The following PIP5K1C variants were observed in gnomAD, a reference collection of about 807,000 sequenced individuals.
PIP5K1C encodes the protein phosphatidylinositol 4-phosphate 5-kinase type-1 gamma.
A neutral mutation model predicts 80.1 loss-of-function variants in PIP5K1C; 45 were observed. The observed-to-expected ratio is 0.56, with a 90% CI of 0.44 to 0.72. The LOEUF is 0.72. Ranked by LOEUF, PIP5K1C falls within the 30% of genes least tolerant of loss-of-function variation. The pLI is 0.00. For missense variants in PIP5K1C, 753 were observed against 954.6 expected, an observed-to-expected ratio of 0.79 and a Z score of 2.78; for synonymous variants, 498 against 420.1, an observed-to-expected ratio of 1.19 and a Z score of -2.27.
intron 8 of PIP5K1C, among the ~76,000 whole-genome samples, chr19:3,651,055 GTT>G (rs60438258): frequency 8.6e-5 from 11 of 127,270 alleles, no homozygotes; most frequent in South Asian, 2.5e-4. Context: ...CGCGCCCAGC[GTT>G]TTTTTTTTTT....
intron 2 of PIP5K1C, among the ~76,000 whole-genome samples, chr19:3,665,705 C>T (rs953336672): frequency 1.5e-4 from 23 of 152,150 alleles, no homozygotes; most frequent in Non-Finnish European, 3.4e-4. Flanking sequence ...TGCAAGCTGT[C>T]GGGCAGCGCG....
chr19:3,691,908 A>C (rs143696896), intron 1 of PIP5K1C, among the ~76,000 whole-genome samples: 1,584 of 152,302 alleles, frequency 0.01, 23 homozygotes, highest in African/African-American at 0.037. Flanking sequence ...GCAGACGCCA[A>C]GCCAGGCTGG....
Position 3,688,568 on chromosome 19 carries a change from C to A in PIP5K1C, c.94+11729G>T, listed in dbSNP as rs976684889. 1.3e-5 allele frequency among the ~76,000 whole-genome samples: 2 copies of A among 152,164 alleles called. No homozygotes were observed. The highest frequency in any genetic ancestry group is 2.4e-5 in the African/African-American group (1 of 41,434). On this transcript the variant is annotated intron_variant, in intron 1 of 17. Transcript: ENST00000335312. The surrounding 1 kb of genome is among the most constrained non-coding windows in gnomAD (Gnocchi z 5.3). ...TGGCCTTTCCCTGGTCCACTGAGAG[C>A]CGCGTGTGTTTTTTGCGGTTTTGCT...
At chr19:3,671,605 G>A (rs2035207660) in intron 1 of PIP5K1C, among the ~76,000 whole-genome samples, 1 of 152,352 alleles carries the variant, frequency 6.6e-6, no homozygotes. Flanking sequence ...GGAGAGGGGA[G>A]GCACTCGGTT....
At chr19:3,641,483 A>G (rs1401593845) in intron 15 of PIP5K1C, among the ~76,000 whole-genome samples, 1 of 152,040 alleles carries the variant, frequency 6.6e-6, no homozygotes, top group Admixed American at 6.5e-5. Flanking sequence ...AACAGTCACA[A>G]ATGTCCCCAG....
At position 3,633,128 on chromosome 19, in the gene PIP5K1C, G is replaced by A; in HGVS notation, c.*39C>T. On this transcript the variant is annotated 3_prime_UTR_variant, in exon 18 of 18. Coordinates refer to ENST00000335312, the MANE Select transcript of PIP5K1C (RefSeq NM_012398.3). ...AGCGCCTTCGGGGGCAGCCGGAGCA[G>A]AAGTGGAGCTCGGCTCTGGGTCGGG... 1 of 754,186 alleles carries A rather than the reference G, an allele frequency of 1.3e-6. No homozygotes were observed. The highest frequency in any genetic ancestry group is 1.4e-5 in the South Asian group (1 of 70,964). 46.7% of individuals were successfully genotyped at this position (754,186 alleles called of 1,614,324 possible). A position where few individuals can be genotyped will look rare whatever the true frequency, so the allele number is the denominator to read the frequency against.
At chr19:3,665,882 G>A (rs2034989935) in intron 2 of PIP5K1C, among the ~76,000 whole-genome samples, 1 of 152,090 alleles carries the variant, frequency 6.6e-6, no homozygotes, top group South Asian at 2.1e-4. Flanking sequence ...TTTGCTAGGA[G>A]ACCCCATGGA....
chr19:3,686,579 G>A (rs1396016062), intron 1 of PIP5K1C, among the ~76,000 whole-genome samples: 2 of 151,544 alleles, frequency 1.3e-5, no homozygotes, highest in Non-Finnish European at 2.9e-5. Context: ...TTAGCCAGAC[G>A]TGATGGCGGG....
intron 16 of PIP5K1C, among the ~76,000 whole-genome samples, chr19:3,634,133 G>T (rs2033575678): frequency 6.6e-6 from 1 of 152,156 alleles, no homozygotes; most frequent in African/African-American, 2.4e-5. Context: ...GGCAGAGTGA[G>T]GGCCAAGTTC....
At chr19:3,680,207 C>T (rs1193435242) in intron 1 of PIP5K1C, among the ~76,000 whole-genome samples, 1 of 152,198 alleles carries the variant, frequency 6.6e-6, no homozygotes, top group Non-Finnish European at 1.5e-5. Context: ...TTCATCCATC[C>T]ATCCATCCAT....
In PIP5K1C at chr19:3,639,008, G is replaced by A; in HGVS notation, c.1796C>T (p.Ala599Val). The change falls in exon 16 of 18, where the codon GCT becomes GTT. Residue 599 changes from alanine (A) to valine (V), a missense_variant. Around this residue, in one of 6 missense-constraint regions of PIP5K1C, gnomAD observed 315 missense variants for 294.5 expected, o/e 1.07. Coordinates refer to ENST00000335312, the MANE Select transcript of PIP5K1C (RefSeq NM_012398.3). ...VPKEEDAGVE[A>V]SPAGASAAVE... is the part of the protein sequence containing the mutation. ...AGCAGCAGAGGCACCGGCCGGGGAA[G>A]CCTCCACCCTGGGGACAGGAGTAGA... The A allele has an allele frequency of 6.2e-7, 1 of 1,611,032 alleles. No homozygotes were observed. Among genetic ancestry groups the A allele is most frequent in the Non-Finnish European group, 8.5e-7 (1 of 1,179,922 alleles).
At chr19:3,639,598 ATTT>A (rs759166457) in intron 15 of PIP5K1C, among the ~76,000 whole-genome samples, 1 of 142,398 alleles carries the variant, frequency 7.0e-6, no homozygotes, top group African/African-American at 2.6e-5. Context: ...CACCCAACTA[ATTT>A]TTTTTTTTTT....
At position 3,644,147 on chromosome 19, in the gene PIP5K1C, G is replaced by T. The variant is rs368186552; in HGVS notation, c.1450C>A (p.Arg484=). 7 of 1,611,778 alleles carry T rather than the reference G, an allele frequency of 4.3e-6. No homozygotes were observed. The highest frequency in any genetic ancestry group is 1.7e-5 in the Admixed American group (1 of 59,982). ...AFSASQIPSE[R]EEAQYDLRGA... is the part of the protein sequence containing the mutation. Reference sequence around the variant, plus strand: ...CGCAGGTCGTACTGGGCCTCCTCCCGCTCGCTAGGGATCTGGCTGGCCGAG... The same window carrying T: ...CGCAGGTCGTACTGGGCCTCCTCCCTCTCGCTAGGGATCTGGCTGGCCGAG... The change falls in exon 12 of 18, where the codon CGG becomes AGG. Residue 484 remains arginine, a synonymous_variant. Transcript: ENST00000335312.
chr19:3,689,867 G>A (rs1007988286), intron 1 of PIP5K1C, among the ~76,000 whole-genome samples: 1 of 152,078 alleles, frequency 6.6e-6, no homozygotes, highest in Admixed American at 6.6e-5. Flanking sequence ...GAATGATAAA[G>A]ACATGGCAAA....
chr19:3,641,462 C>T (rs1724543971), intron 15 of PIP5K1C, among the ~76,000 whole-genome samples: 2 of 152,124 alleles, frequency 1.3e-5, no homozygotes, highest in Non-Finnish European at 2.9e-5. Flanking sequence ...CCAGGAGCAC[C>T]CCCCAGTTCT....
intron 1 of PIP5K1C, among the ~76,000 whole-genome samples, chr19:3,695,311 T>C (rs2036068147): frequency 6.6e-6 from 1 of 152,190 alleles, no homozygotes; most frequent in Admixed American, 6.5e-5. Flanking sequence ...GCTTGGCACC[T>C]GGGCCCCGGA....
intron 1 of PIP5K1C, among the ~76,000 whole-genome samples, chr19:3,680,645 G>A (rs1237945751): frequency 3.9e-5 from 6 of 152,228 alleles, no homozygotes; most frequent in African/African-American, 1.4e-4. Flanking sequence ...TAAGCACCTG[G>A]AAAGCACAGA....
Position 3,661,075 on chromosome 19 carries a change from C to G in PIP5K1C, c.359G>C (p.Ser120Thr). 6.2e-7 allele frequency: 1 copy of G among 1,613,090 alleles called. No individual in the cohort carries two copies. The highest frequency in any genetic ancestry group is 8.5e-7 in the Non-Finnish European group (1 of 1,179,200). ...GAAGTGGTGGGCGGGGGTGAGGTTGCTGCCTTCGCTGTGGAGGAAGGACGG... is the reference window on the plus strand; with the variant it reads ...GAAGTGGTGGGCGGGGGTGAGGTTGGTGCCTTCGCTGTGGAGGAAGGACGG... ...VESIFFPSEGSNLTPAHHFQD... is the reference protein window; with the variant it reads ...VESIFFPSEGTNLTPAHHFQD... Residue 120 changes from serine to threonine, a missense_variant, in exon 5 of 18, where the codon AGC becomes ACC. Ser to Thr is a moderately conservative substitution (Grantham distance 58). Coordinates refer to ENST00000335312, the MANE Select transcript of PIP5K1C (RefSeq NM_012398.3).
chr19:3,634,671 C>A (rs964101478), intron 16 of PIP5K1C, among the ~76,000 whole-genome samples: 1 of 152,236 alleles, frequency 6.6e-6, no homozygotes, highest in Non-Finnish European at 1.5e-5. Flanking sequence ...CCAGCCTGGG[C>A]CAGCAGGGGC....
Sources: gnomAD v4.1 joint callset for allele counts (sites outside exome capture counted in the v4.1 genomes callset) on GRCh38, gnomAD v4.1.1 for gene constraint, gnomAD v4.1.1 regional missense constraint, Gnocchi (gnomAD v3.1) non-coding constraint, MANE v1.5 for transcripts, NCBI Gene and HGNC (gene_info 2026-07-23, HGNC 2026-07-21) for gene names.